The following DDR2 variants were observed in gnomAD, a reference collection of about 807,000 sequenced individuals.
DDR2 encodes the protein discoidin domain-containing receptor 2.
In DDR2, 27 loss-of-function variants were observed where a neutral mutation model predicts 94.9. That is an observed-to-expected ratio of 0.28 (90% CI 0.21 to 0.39). The LOEUF (loss-of-function observed/expected upper bound fraction) is 0.39. Among genes scored for constraint, DDR2 ranks in the 10% least tolerant of loss-of-function variants. The pLI is 1.00. For synonymous variants in DDR2, 382 were observed against 377.2 expected, an observed-to-expected ratio of 1.01 and a Z score of -0.15; for missense variants, 783 against 1,076.0, an observed-to-expected ratio of 0.73 and a Z score of 3.81.
chr1:162,770,581 C>A, intron 12 of DDR2, 69 bp downstream of exon 12: 1 of 1,423,220 alleles, frequency 7.0e-7, no homozygotes, highest in Non-Finnish European at 9.9e-7. Context: ...GTATGACACG[C>A]CTGCTCCCAG....
At chr1:162,751,988 G>T (rs993843123) in intron 3 of DDR2, among the ~76,000 whole-genome samples, 1 of 152,114 alleles carries the variant, frequency 6.6e-6, no homozygotes, top group Non-Finnish European at 1.5e-5. Context: ...ACACACTGGG[G>T]CCTGTCGTGG....
At chr1:162,645,154 C>A (rs994884261) in intron 1 of DDR2, among the ~76,000 whole-genome samples, 1 of 152,190 alleles carries the variant, frequency 6.6e-6, no homozygotes, top group Non-Finnish European at 1.5e-5. Context: ...GGTGAACAGG[C>A]GGGGACTCCC....
chr1:162,714,545 G>A (rs946536576), intron 2 of DDR2, among the ~76,000 whole-genome samples: 2 of 152,126 alleles, frequency 1.3e-5, no homozygotes, highest in African/African-American at 4.8e-5. Flanking sequence ...TTATTCATGA[G>A]TCTTTTCTGG....
At chr1:162,686,727 A>G (rs1183940915) in intron 2 of DDR2, among the ~76,000 whole-genome samples, 1 of 152,160 alleles carries the variant, frequency 6.6e-6, no homozygotes, top group African/African-American at 2.4e-5. Flanking sequence ...CTTTCGATAT[A>G]TACCCAGTAA....
At chr1:162,691,650 C>A (rs934797621) in intron 2 of DDR2, among the ~76,000 whole-genome samples, 1 of 152,142 alleles carries the variant, frequency 6.6e-6, no homozygotes, top group African/African-American at 2.4e-5. Flanking sequence ...TGATTTGTAC[C>A]TTTTGCTGAT....
chr1:162,695,890 G>A (rs539682791), intron 2 of DDR2, among the ~76,000 whole-genome samples: 5 of 152,280 alleles, frequency 3.3e-5, no homozygotes, highest in African/African-American at 1.2e-4. Flanking sequence ...GGCTCAGAGA[G>A]GTTGAGTGGT....
chr1:162,761,468 G>T lies in DDR2; in HGVS notation c.1099+14G>T. 3 of 1,614,180 alleles carry T rather than the reference G, an allele frequency of 1.9e-6. No individual in the cohort carries two copies. The highest frequency in any genetic ancestry group is 2.5e-6 in the Non-Finnish European group (3 of 1,180,020). On this transcript the variant is annotated intron_variant, in intron 9 of 17. Transcript: ENST00000367921. The stretch of plus-strand genomic sequence containing the variant: ...CCTTCCAATCAGGTAGGGAGCTCAG[G>T]TCCTCTTTGGGAAGTGGGAGCAAGG...
At chr1:162,702,041 A>G (rs1387212410) in intron 2 of DDR2, among the ~76,000 whole-genome samples, 2 of 152,158 alleles carry the variant, frequency 1.3e-5, no homozygotes, top group Non-Finnish European at 2.9e-5. Context: ...CTGGAGATAC[A>G]GCTTTCTAGT....
At position 162,703,452 on chromosome 1, in the gene DDR2, G is replaced by A. The variant is rs545376723; in HGVS notation, c.-27-15585G>A. On this transcript the variant is annotated intron_variant, in intron 2 of 17. Transcript: ENST00000367921. ...AGAGGATAGATGGAAGATGAGAAGA[G>A]GGTGTGTGCCAGAGCACTGTTGTCC... 8.5e-5 allele frequency among the ~76,000 whole-genome samples: 13 copies of A among 152,288 alleles called. No homozygotes were observed. In the South Asian group the frequency reaches 2.1e-3, roughly 24 times the overall value.
intron 1 of DDR2, among the ~76,000 whole-genome samples, chr1:162,651,317 A>G (rs6427690): frequency 0.92 from 139,327 of 152,248 alleles, 64,336 homozygotes; most frequent in Middle Eastern, 0.98. Context: ...CTGTCCTCCC[A>G]CCAACTATTT....
At chr1:162,701,761 G>A (rs556406993) in intron 2 of DDR2, among the ~76,000 whole-genome samples, 1 of 152,272 alleles carries the variant, frequency 6.6e-6, no homozygotes, top group South Asian at 2.1e-4. Context: ...AATTTTTAGG[G>A]TGTTCCCTCT....
At chr1:162,664,073 A>G (rs1439795927) in intron 2 of DDR2, among the ~76,000 whole-genome samples, 1 of 152,144 alleles carries the variant, frequency 6.6e-6, no homozygotes, top group Non-Finnish European at 1.5e-5. Flanking sequence ...TGATCAGAAG[A>G]TAGGAGAAAG....
chr1:162,752,616 T>G (rs114566927), intron 3 of DDR2, among the ~76,000 whole-genome samples: 1 of 152,210 alleles, frequency 6.6e-6, no homozygotes. Flanking sequence ...AATGTGTGTT[T>G]GATCCCTTCA....
At chr1:162,698,791 T>C (rs1463550000) in intron 2 of DDR2, among the ~76,000 whole-genome samples, 6 of 152,170 alleles carry the variant, frequency 3.9e-5, no homozygotes, top group Admixed American at 1.3e-4. Flanking sequence ...TGAGGGGCTG[T>C]ACAGAGGATT....
intron 3 of DDR2, among the ~76,000 whole-genome samples, chr1:162,748,066 T>C (rs1662975501): frequency 6.6e-6 from 1 of 152,176 alleles, no homozygotes; most frequent in Admixed American, 6.5e-5. Context: ...GTAAACACCA[T>C]CGATGCTAGG....
chr1:162,695,752 C>A (rs891257804), intron 2 of DDR2, among the ~76,000 whole-genome samples: 2 of 152,106 alleles, frequency 1.3e-5, no homozygotes, highest in Non-Finnish European at 2.9e-5. Context: ...TCATAGCTAC[C>A]ATTTACTGAG....
intron 1 of DDR2, among the ~76,000 whole-genome samples, chr1:162,635,431 C>G (rs947528698): frequency 2.0e-5 from 3 of 152,180 alleles, no homozygotes; most frequent in Admixed American, 2.0e-4. Flanking sequence ...CTCAAACACA[C>G]AATCCAAACA....
rs1466425073 is a variant in DDR2, at chr1:162,773,451, T to G, written c.1729-18T>G. 6.2e-7 allele frequency: 1 copy of G among 1,612,906 alleles called. No individual in the cohort carries two copies. The highest frequency in any genetic ancestry group is 8.5e-7 in the Non-Finnish European group (1 of 1,179,304). ...TCAGGAGAAATGATGATGCTGAGACTAGATGACTTTTGTCTAGGTTCATCT... is the reference window on the plus strand; with the variant it reads ...TCAGGAGAAATGATGATGCTGAGACGAGATGACTTTTGTCTAGGTTCATCT... On this transcript the variant is annotated intron_variant, in intron 13 of 17. Coordinates refer to ENST00000367921, the MANE Select transcript of DDR2 (RefSeq NM_006182.4).
chr1:162,733,743 G>C (rs1174385746), intron 3 of DDR2, among the ~76,000 whole-genome samples: 1 of 152,130 alleles, frequency 6.6e-6, no homozygotes, highest in Non-Finnish European at 1.5e-5. Context: ...TACTGAGGGG[G>C]AAAAGGAAGA....
Sources: allele counts gnomAD v4.1 joint callset (sites outside exome capture counted in the v4.1 genomes callset), GRCh38; gene constraint gnomAD v4.1.1; transcripts MANE v1.5; gene names NCBI Gene and HGNC (gene_info 2026-07-23, HGNC 2026-07-21).